ZNF519: variants seen among roughly 807,000 people sequenced by gnomAD.
ZNF519 encodes zinc finger protein 519.
In ZNF519, 7 loss-of-function variants were observed where a neutral mutation model predicts 7.4. That is an observed-to-expected ratio of 0.94 (90% CI 0.54 to 1.77). The LOEUF is 1.77. ZNF519 is among the 40% of genes most tolerant of loss of function. The probability of loss-of-function intolerance (pLI) is 0.00; values close to 1 mark genes in which losing one functional copy is unlikely to be tolerated. For synonymous variants in ZNF519, 179 were observed against 203.3 expected, an observed-to-expected ratio of 0.88 and a Z score of 1.02; for missense variants, 586 against 623.1, an observed-to-expected ratio of 0.94 and a Z score of 0.63.
At chr18:14,099,592 A>G (rs1486319017), downstream of ZNF519, among the ~76,000 whole-genome samples, 1 of 152,242 alleles carries the variant, frequency 6.6e-6, no homozygotes, top group Non-Finnish European at 1.5e-5. Flanking sequence ...TAAATATACA[A>G]GAGATGTTCA....
downstream of ZNF519, among the ~76,000 whole-genome samples, chr18:14,095,525 T>C (rs1330739985): frequency 6.6e-6 from 1 of 152,200 alleles, no homozygotes; most frequent in Non-Finnish European, 1.5e-5. Context: ...CTGCTATGGC[T>C]TGCCTGCCAA....
chr18:14,127,832 AG>A (rs1206448593), intron 1 of ZNF519, among the ~76,000 whole-genome samples: 2 of 151,970 alleles, frequency 1.3e-5, no homozygotes, highest in African/African-American at 2.4e-5. Flanking sequence ...TTCTGTTTGA[AG>A]ATTTGGGGGG....
chr18:14,083,082 G>T (rs965493486), intron 3 of ZNF519, among the ~76,000 whole-genome samples: 3 of 152,192 alleles, frequency 2.0e-5, no homozygotes, highest in African/African-American at 7.2e-5. Flanking sequence ...AGGTGCAGTG[G>T]CTCACGCCTA....
downstream of ZNF519, among the ~76,000 whole-genome samples, chr18:14,094,985 C>T (rs145295615): frequency 7.5e-4 from 114 of 152,276 alleles, no homozygotes; most frequent in African/African-American, 2.5e-3. Context: ...CTTAAAATAG[C>T]TATTTTGAAT....
At chr18:14,125,198 GACC>G (rs1361458055) in intron 1 of ZNF519, among the ~76,000 whole-genome samples, 1 of 152,060 alleles carries the variant, frequency 6.6e-6, no homozygotes, top group Non-Finnish European at 1.5e-5. Context: ...CCAAAGAAAA[GACC>G]ACCAATCATC....
intron 1 of ZNF519, among the ~76,000 whole-genome samples, chr18:14,126,598 G>A (rs1391904318): frequency 1.3e-5 from 2 of 152,138 alleles, no homozygotes; most frequent in East Asian, 3.8e-4. Context: ...GCTCCTTCAT[G>A]GTAGGGACCA....
chr18:14,087,004 A>G (rs1322284758), intron 2 of ZNF519, among the ~76,000 whole-genome samples: 1 of 152,180 alleles, frequency 6.6e-6, no homozygotes, highest in Non-Finnish European at 1.5e-5. Flanking sequence ...ATACTAGCCA[A>G]CTAAATCCCA....
At chr18:14,115,465 T>C (rs967584526) in intron 2 of ZNF519, among the ~76,000 whole-genome samples, 1 of 152,194 alleles carries the variant, frequency 6.6e-6, no homozygotes, top group African/African-American at 2.4e-5. Context: ...AAGAGAAATA[T>C]TGGAGGCATA....
intron 2 of ZNF519, among the ~76,000 whole-genome samples, chr18:14,119,799 C>G (rs1245514605): frequency 1.3e-5 from 2 of 151,946 alleles, no homozygotes; most frequent in Non-Finnish European, 2.9e-5. Flanking sequence ...TAACAACAAA[C>G]TTTCCACAAA....
chr18:14,123,898 A>C (rs1203710202), intron 2 of ZNF519: 1 of 152,270 alleles, frequency 6.6e-6, no homozygotes, highest in Non-Finnish European at 1.5e-5. Context: ...TTGGCTGGGC[A>C]TGGTGGCTTA....
chr18:14,130,910 A>G lies in ZNF519; in HGVS notation c.3+1365T>C, dbSNP rs990117620. On this transcript the variant is annotated intron_variant, in intron 1 of 2. Transcript: ENST00000590202. Reference sequence around the variant, plus strand: ...TTTTTTACAGGAAGGGTAAGCCTGGATATTTCTCTCACCCCCAGGGCATTC... The same window carrying G: ...TTTTTTACAGGAAGGGTAAGCCTGGGTATTTCTCTCACCCCCAGGGCATTC... Among the ~76,000 whole-genome samples the G allele has an allele frequency of 1.2e-3, 188 of 151,822 alleles. 1 individual carries two copies. Among genetic ancestry groups the G allele is most frequent in the African/African-American group, 4.2e-3 (174 of 41,394 alleles).
At chr18:14,071,740 G>T (rs141520779), downstream of ZNF519, 290 of 152,188 alleles carry the variant, frequency 1.9e-3, 2 homozygotes, top group African/African-American at 6.5e-3. Context: ...TGTATTTGGT[G>T]TTGGGCTTTA....
chr18:14,076,550 T>A lies in ZNF519; in HGVS notation c.*1253A>T, dbSNP rs529636730. The A allele has an allele frequency of 5.9e-5, 9 of 152,282 alleles. No individual in the cohort carries two copies. In the South Asian group the frequency reaches 1.7e-3, roughly 28 times the overall value. 9.4% of individuals were successfully genotyped at this position (152,282 alleles called of 1,614,324 possible). On this transcript the variant is annotated 3_prime_UTR_variant and NMD_transcript_variant, in exon 5 of 5. Transcript: ENST00000587419. ...AATATATGGAGAAAATTAGTATTTGTGGATGCAAAAATATAAAATAAAATT... is the reference window on the plus strand; with the variant it reads ...AATATATGGAGAAAATTAGTATTTGAGGATGCAAAAATATAAAATAAAATT...
rs1300644781 is a variant in ZNF519 at position 14,108,614 on chromosome 18, T to C, written c.131-2205A>G. Among the ~76,000 whole-genome samples the C allele has an allele frequency of 1.3e-4, 18 of 135,218 alleles. No homozygotes were observed. The South Asian group carries it at 4.2e-3, about 32-fold the overall frequency. The allele number at this position is 135,218 out of a possible 152,430, so 88.7% of individuals were successfully genotyped here. On this transcript the variant is annotated intron_variant, in intron 2 of 2. Transcript: ENST00000590202. ...AAAAGACATAGAGTGGCTAAATGGA[T>C]AAAAAAAAAAAAGACTGATTTGTTG... is the stretch of plus-strand genomic sequence containing the variant.
intron 2 of ZNF519, among the ~76,000 whole-genome samples, chr18:14,093,104 C>A (rs796139437): frequency 6.6e-6 from 1 of 152,266 alleles, no homozygotes; most frequent in African/African-American, 2.4e-5. Flanking sequence ...TTCTCAAGAA[C>A]GTGACAGGCA....
downstream of ZNF519, among the ~76,000 whole-genome samples, chr18:14,097,188 A>G (rs1385120592): frequency 6.6e-6 from 1 of 152,220 alleles, no homozygotes; most frequent in Non-Finnish European, 1.5e-5. Context: ...AGTGATGATG[A>G]AATTAACAAT....
At chr18:14,075,104 T>C (rs1437207073), downstream of ZNF519, 4 of 152,182 alleles carry the variant, frequency 2.6e-5, no homozygotes, top group South Asian at 2.1e-4. Flanking sequence ...TCAGGTCTCA[T>C]GAGACTCATT....
At chr18:14,093,511 A>C (rs1482752057) in intron 2 of ZNF519, among the ~76,000 whole-genome samples, 4 of 152,238 alleles carry the variant, frequency 2.6e-5, no homozygotes, top group Non-Finnish European at 5.9e-5. Context: ...ATATATACAC[A>C]CATATTTAGA....
chr18:14,123,653 T>C (rs1174693596), intron 2 of ZNF519, among the ~76,000 whole-genome samples: 1 of 152,022 alleles, frequency 6.6e-6, no homozygotes, highest in African/African-American at 2.4e-5. Context: ...AAGGCAGAGG[T>C]TGCAGTGAAC....
Sources: gnomAD v4.1 joint callset for allele counts (sites outside exome capture counted in the v4.1 genomes callset) on GRCh38, gnomAD v4.1.1 for gene constraint, MANE v1.5 for transcripts, NCBI Gene and HGNC (gene_info 2026-07-23, HGNC 2026-07-21) for gene names.